The following EHBP1L1 variants were observed in gnomAD, a reference collection of about 807,000 sequenced individuals.
EHBP1L1 encodes the protein EH domain binding protein 1 like 1, also known as EH domain-binding protein 1-like protein 1.
A neutral mutation model predicts 151.1 loss-of-function variants in EHBP1L1; 122 were observed. The ratio of observed to expected loss-of-function variants is 0.81; its 90% CI spans 0.70 to 0.94. The LOEUF (loss-of-function observed/expected upper bound fraction) is 0.94, where lower values mean the gene tolerates loss of function less well. EHBP1L1 is among the 40% of genes least tolerant of loss of function. The pLI is 0.00. For synonymous variants in EHBP1L1, 878 were observed against 810.1 expected (o/e 1.08, Z -1.42); for missense variants, 1,941 against 1,959.8 (o/e 0.99, Z 0.18).
At position 65,576,264 on chromosome 11, in the gene EHBP1L1, C is replaced by T. The variant is rs1565116408; in HGVS notation, c.-39C>T. ...GCCAGCGGTGGCGGGCCAGCGGGAG[C>T]CCCGGGCCTGAGAAGTGGGCGGCGG... On this transcript the variant is annotated 5_prime_UTR_variant, in exon 1 of 19. Transcript: ENST00000309295. 4 of 1,531,668 alleles carry T rather than the reference C, an allele frequency of 2.6e-6. 1 individual carries two copies. The highest frequency in any genetic ancestry group is 2.4e-5 in the South Asian group (2 of 83,544). The allele number at this position is 1,531,668 out of a possible 1,614,324, so 94.9% of individuals were successfully genotyped here.
At chr11:65,579,817 A>G (rs1407563108) in intron 3 of EHBP1L1, 119 bp from the exon 4 acceptor site, 1 of 1,000,566 alleles carries the variant, frequency 1.0e-6, no homozygotes, top group Non-Finnish European at 1.4e-6. Flanking sequence ...ACAGAGGAAG[A>G]CTCCGTCTCA....
intron 16 of EHBP1L1, among the ~76,000 whole-genome samples, 164 bp downstream of exon 16, chr11:65,590,756 C>G (rs1036158117): frequency 2.6e-5 from 4 of 152,250 alleles, no homozygotes; most frequent in African/African-American, 9.6e-5. Flanking sequence ...GTAAAACTGG[C>G]CAGGCACGGT....
Position 65,576,405 on chromosome 11 carries a change from T to G in EHBP1L1, c.103T>G (p.Trp35Gly). The G allele has an allele frequency of 1.3e-6, 2 of 1,579,322 alleles. No individual in the cohort carries two copies. The highest frequency in any genetic ancestry group is 2.3e-5 in the East Asian group (1 of 42,988). Reference protein sequence around the residue: ...HELVLECTKKWQPDKLVVVWT... With the variant: ...HELVLECTKKGQPDKLVVVWT... ...GCTAGTGTTGGAGTGCACCAAGAAA[T>G]GGTGAGTGGGAGGGAGGCGGGGGGG... Residue 35 changes from tryptophan to glycine, a missense_variant and splice_region_variant, in exon 1 of 19, where the codon TGG (tryptophan) becomes GGG (glycine). Physicochemically the swap from Trp to Gly is radical, Grantham distance 184. Transcript: ENST00000309295.
intron 1 of EHBP1L1, 100 bp downstream of exon 1, chr11:65,576,506 A>C: frequency 1.3e-5 from 13 of 1,024,600 alleles, no homozygotes; most frequent in Admixed American, 2.6e-5. Flanking sequence ...CAATGACCAA[A>C]TGGGCCCCCA....
In EHBP1L1 at chr11:65,580,175, G is replaced by A. The variant is rs375941599; in HGVS notation, c.407G>A (p.Arg136Gln). 30 of 1,613,442 alleles carry A rather than the reference G, an allele frequency of 1.9e-5. No individual in the cohort carries two copies. The highest frequency in any genetic ancestry group is 4.5e-5 in the East Asian group (2 of 44,898). The change falls in exon 5 of 19, where the codon CGG becomes CAG. Residue 136 changes from arginine to glutamine, a missense_variant. By Grantham distance (43) the Arg-to-Gln change is conservative. Coordinates refer to ENST00000309295, the MANE Select transcript of EHBP1L1 (RefSeq NM_001099409.3). Reference sequence around the variant, plus strand: ...CCTGTCCAAGTCCCAGTGAGGCTGCGGCTGAAGCCAAAGTCAGTGAAGGTG... The same window carrying A: ...CCTGTCCAAGTCCCAGTGAGGCTGCAGCTGAAGCCAAAGTCAGTGAAGGTG... ...PVPVQVPVRL[R>Q]LKPKSVKVVQ...
rs994703204 is a variant in EHBP1L1 at position 65,592,056 on chromosome 11, G to A, written c.4438G>A (p.Glu1480Lys). The A allele has an allele frequency of 8.1e-6, 13 of 1,613,406 alleles. No individual in the cohort carries two copies. The highest frequency in any genetic ancestry group is 1.0e-5 in the Non-Finnish European group (12 of 1,179,670). The change falls in exon 18 of 19, where the codon GAG becomes AAG. Residue 1480 changes from glutamate to lysine, a missense_variant. Glu to Lys is a moderately conservative substitution (Grantham distance 56, BLOSUM62 1). Transcript: ENST00000309295. The stretch of plus-strand genomic sequence containing the variant: ...GGTGTCGCTGGTGAACCAGCGCGAT[G>A]AGCTAGTCCGGGACCTGGACCACAA... The part of the protein sequence containing the change: ...ELVSLVNQRD[E>K]LVRDLDHKER...
rs1857726956 is a variant in EHBP1L1, at chr11:65,583,131, G to A, written c.2459G>A (p.Gly820Glu). The change falls in exon 9 of 19, where the codon GGG (glycine) becomes GAG (glutamate). Residue 820 changes from glycine (G) to glutamate (E), a missense_variant. Coordinates refer to ENST00000309295, the MANE Select transcript of EHBP1L1 (RefSeq NM_001099409.3). ...ATGTAETEILGTQEIASRSSG... is the reference protein window; with the variant it reads ...ATGTAETEILETQEIASRSSG... ...GGGACAGCAGAAACTGAGATATTGGGGACCCAAGAGATAGCATCTAGGAGT... is the reference window on the plus strand; with the variant it reads ...GGGACAGCAGAAACTGAGATATTGGAGACCCAAGAGATAGCATCTAGGAGT... 3 of 1,613,282 alleles carry A rather than the reference G, an allele frequency of 1.9e-6. No individual in the cohort carries two copies. The African/African-American group carries it at 4.0e-5, about 22-fold the overall frequency.
At chr11:65,578,515 G>A (rs1439645344) in intron 1 of EHBP1L1, among the ~76,000 whole-genome samples, 2 of 152,086 alleles carry the variant, frequency 1.3e-5, no homozygotes, top group South Asian at 2.1e-4. Context: ...CCTGGAGTTC[G>A]CTTGTTAATT....
chr11:65,590,060 C>T (rs1858184105), intron 14 of EHBP1L1, 27 bp from the exon 15 acceptor site: 2 of 1,613,604 alleles, frequency 1.2e-6, no homozygotes, highest in East Asian at 4.5e-5. Flanking sequence ...CTGAGTCCAC[C>T]CTGTTCTCTG....
rs533927133 is a variant in EHBP1L1 at position 65,592,023 on chromosome 11, G to C, written c.4405G>C (p.Glu1469Gln). The C allele has an allele frequency of 6.2e-7, 1 of 1,613,418 alleles. No individual in the cohort carries two copies. The highest frequency in any genetic ancestry group is 8.5e-7 in the Non-Finnish European group (1 of 1,179,678). Residue 1469 changes from glutamate (E) to glutamine (Q), a missense_variant, in exon 18 of 19, where the codon GAG becomes CAG. Transcript: ENST00000309295. ...GCAGCACCGAGAGCAGCTCCTACTG[G>C]AGGAGCTGGTGTCGCTGGTGAACCA... Reference protein sequence around the residue: ...AQQHREQLLLEELVSLVNQRD... With the variant: ...AQQHREQLLLQELVSLVNQRD...
In EHBP1L1 at chr11:65,579,980, T is replaced by C; in HGVS notation, c.303T>C (p.Ile101=). The change falls in exon 4 of 19, where the codon ATT becomes ATC. Residue 101 remains isoleucine (I), a synonymous_variant. Coordinates refer to ENST00000309295, the MANE Select transcript of EHBP1L1 (RefSeq NM_001099409.3). The part of the protein sequence containing the change: ...DQYEAKEWTF[I]IENESKGQRK... Reference sequence around the variant, plus strand: ...ATGAGGCCAAAGAGTGGACATTTATTATTGAAAATGTGAGTGTCTGGAGTG... The same window carrying C: ...ATGAGGCCAAAGAGTGGACATTTATCATTGAAAATGTGAGTGTCTGGAGTG... 6.2e-7 allele frequency: 1 copy of C among 1,613,914 alleles called. No homozygotes were observed. The highest frequency in any genetic ancestry group is 1.1e-5 in the South Asian group (1 of 91,088).
chr11:65,580,273 T>A lies in EHBP1L1; in HGVS notation c.491+14T>A. The A allele has an allele frequency of 6.2e-7, 1 of 1,613,238 alleles. No homozygotes were observed. The highest frequency in any genetic ancestry group is 8.5e-7 in the Non-Finnish European group (1 of 1,179,478). ...GGGCCGTGCCACGTGAGTGCCTACC[T>A]GCCCTCCTTGATCCTGGCCTGTGAC... is the stretch of plus-strand genomic sequence containing the variant. On this transcript the variant is annotated intron_variant, in intron 5 of 18. Transcript: ENST00000309295.
rs1368247378 is a variant in EHBP1L1 at position 65,576,105 on chromosome 11, A to AC, written c.-194dup. 1 of 355,654 alleles carries AC rather than the reference A, an allele frequency of 2.8e-6. No homozygotes were observed. Among genetic ancestry groups the AC allele is most frequent in the Non-Finnish European group, 4.9e-6 (1 of 202,624 alleles). The allele number at this position is 355,654 out of a possible 1,614,324, so 22.0% of individuals were successfully genotyped here. A position where few individuals can be genotyped will look rare whatever the true frequency, so the allele number is the denominator to read the frequency against. On this transcript the variant is annotated 5_prime_UTR_variant, in exon 1 of 19. Coordinates refer to ENST00000309295, the MANE Select transcript of EHBP1L1 (RefSeq NM_001099409.3). ...CTCGCCACCCGACGCGCCCCAGGCG[A>AC]CCCCGCAGACTCAGCCAGACCACCC...
At chr11:65,579,900 C>T (rs749123355) in intron 3 of EHBP1L1, 36 bp from the exon 4 acceptor site, 2 of 1,609,914 alleles carry the variant, frequency 1.2e-6, no homozygotes, top group East Asian at 2.2e-5. Context: ...GCTGCTGCCC[C>T]AACAGTCCTG....
rs1293682308 is a variant in EHBP1L1, at chr11:65,576,161, C to T, written c.-142C>T. On this transcript the variant is annotated 5_prime_UTR_variant, in exon 1 of 19. Transcript: ENST00000309295. ...GCCCCAGCGGCGGCAGCGGAGAGCG[C>T]GGTCCCGGGTCGGAGCCTGGGACAC... 1.1e-5 allele frequency: 6 copies of T among 565,850 alleles called. No homozygotes were observed. The South Asian group carries it at 2.4e-4, about 23-fold the overall frequency. 35.1% of individuals were successfully genotyped at this position (565,850 alleles called of 1,614,324 possible).
intron 6 of EHBP1L1, among the ~76,000 whole-genome samples, 175 bp downstream of exon 6, chr11:65,580,654 C>T (rs1203265178): frequency 6.6e-6 from 1 of 152,186 alleles, no homozygotes; most frequent in East Asian, 1.9e-4. Context: ...CCCACGATAG[C>T]CTTGGTCTTC....
rs1391577673 is a variant in EHBP1L1, at chr11:65,576,187, C to T, written c.-116C>T. 2 of 903,718 alleles carry T rather than the reference C, an allele frequency of 2.2e-6. No homozygotes were observed. The highest frequency in any genetic ancestry group is 3.0e-6 in the Non-Finnish European group (2 of 660,390). 56.0% of individuals were successfully genotyped at this position (903,718 alleles called of 1,614,324 possible). ...GGTCCCGGGTCGGAGCCTGGGACAC[C>T]TCCGCACGGACGGGGCGGGCGGCGC... On this transcript the variant is annotated 5_prime_UTR_variant, in exon 1 of 19. Transcript: ENST00000309295.
Position 65,592,637 on chromosome 11 carries a change from A to G in EHBP1L1, c.*335A>G, listed in dbSNP as rs907886998. On this transcript the variant is annotated 3_prime_UTR_variant, in exon 19 of 19. Transcript: ENST00000309295. ...CTGTTCTCCAGAGCAATAAAGTTGG[A>G]CGAGACTACCCCAGCGCCGGCCTTT... 1 of 276,418 alleles carries G rather than the reference A, an allele frequency of 3.6e-6. No homozygotes were observed. The highest frequency in any genetic ancestry group is 4.4e-5 in the South Asian group (1 of 22,508). 17.1% of individuals were successfully genotyped at this position (276,418 alleles called of 1,614,324 possible). A position where few individuals can be genotyped will look rare whatever the true frequency, so the allele number is the denominator to read the frequency against.
intron 15 of EHBP1L1, 44 bp from the exon 16 acceptor site, chr11:65,590,449 A>C: frequency 6.3e-7 from 1 of 1,596,406 alleles, no homozygotes; most frequent in Non-Finnish European, 8.6e-7. Context: ...CTACCCTGAC[A>C]CGGGGCAGGG....
Sources: allele counts gnomAD v4.1 joint callset (sites outside exome capture counted in the v4.1 genomes callset), GRCh38; gene constraint gnomAD v4.1.1; transcripts MANE v1.5; gene names NCBI Gene and HGNC (gene_info 2026-07-23, HGNC 2026-07-21).